Variants in TMEM132D observed in about 807,000 individuals in gnomAD.
TMEM132D encodes the protein mature OL transmembrane protein.
In TMEM132D, 21 loss-of-function variants were observed where a neutral mutation model predicts 62.3. The observed-to-expected ratio is 0.34, with a 90% CI of 0.24 to 0.49. The LOEUF (loss-of-function observed/expected upper bound fraction) is 0.49. Ranked by LOEUF, TMEM132D falls within the 20% of genes least tolerant of loss-of-function variation. The pLI is 0.99. For missense variants in TMEM132D, 1,346 were observed against 1,402.8 expected, an observed-to-expected ratio of 0.96 and a Z score of 0.65; for synonymous variants, 621 against 575.6, an observed-to-expected ratio of 1.08 and a Z score of -1.13.
chr12:129,684,314 T>C (rs372704999), intron 2 of TMEM132D, among the ~76,000 whole-genome samples: 1 of 152,116 alleles, frequency 6.6e-6, no homozygotes, highest in Non-Finnish European at 1.5e-5. Context: ...TCTCATGAGA[T>C]CTGATGGTTT....
intron 1 of TMEM132D, among the ~76,000 whole-genome samples, chr12:129,746,763 G>A (rs1441103195): frequency 6.6e-6 from 1 of 151,944 alleles, no homozygotes; most frequent in Non-Finnish European, 1.5e-5. Context: ...CACTCCTAAG[G>A]AAGGTTTTCT....
intron 3 of TMEM132D, among the ~76,000 whole-genome samples, chr12:129,473,939 CT>C (rs928212824): frequency 5.3e-5 from 8 of 152,296 alleles, no homozygotes; most frequent in African/African-American, 1.9e-4. Flanking sequence ...AAACCACATT[CT>C]TGTATAACCA....
At chr12:129,709,577 A>C (rs1315067460) in intron 1 of TMEM132D, among the ~76,000 whole-genome samples, 1 of 152,234 alleles carries the variant, frequency 6.6e-6, no homozygotes, top group Non-Finnish European at 1.5e-5. Context: ...ACATCTCAGA[A>C]TGTTGGATTC....
chr12:129,424,743 C>T (rs901143962), intron 3 of TMEM132D, among the ~76,000 whole-genome samples: 17 of 141,398 alleles, frequency 1.2e-4, no homozygotes, highest in Non-Finnish European at 2.3e-4. Context: ...GACATCTCAA[C>T]ACACATAATG....
At chr12:129,785,763 G>T (rs1871233732) in intron 1 of TMEM132D, among the ~76,000 whole-genome samples, 1 of 152,108 alleles carries the variant, frequency 6.6e-6, no homozygotes, top group South Asian at 2.1e-4. Context: ...TCGTATTTTT[G>T]TTTCAGCAGC....
intron 1 of TMEM132D, among the ~76,000 whole-genome samples, chr12:129,874,957 G>A (rs747142143): frequency 1.4e-4 from 22 of 152,204 alleles, no homozygotes; most frequent in East Asian, 5.8e-4. Context: ...GATTACAGGC[G>A]TGAGCCGCCA....
In TMEM132D at chr12:129,345,865, C is replaced by T. The variant is rs143903666; in HGVS notation, c.1116-8048G>A. ...AGTATTTTATTGAGGATTTTCGCAT[C>T]GATGTTCATCAGGGATATTGGCCTG... On this transcript the variant is annotated intron_variant, in intron 3 of 8. Transcript: ENST00000422113. Among the ~76,000 whole-genome samples the T allele has an allele frequency of 4.2e-3, 641 of 152,170 alleles. 3 individuals are homozygous for T. The highest frequency in any genetic ancestry group is 0.015 in the African/African-American group (610 of 41,516).
At chr12:129,407,547 G>A (rs541156154) in intron 3 of TMEM132D, among the ~76,000 whole-genome samples, 1 of 152,094 alleles carries the variant, frequency 6.6e-6, no homozygotes. Context: ...TAAAATACAT[G>A]AATCTGTTTC....
At chr12:129,089,842 G>T (rs1166965206) in intron 5 of TMEM132D, among the ~76,000 whole-genome samples, 1 of 152,238 alleles carries the variant, frequency 6.6e-6, no homozygotes, top group Admixed American at 6.5e-5. Flanking sequence ...GGGAAGGGGC[G>T]TAGACCAGAT....
At chr12:129,095,468 C>T (rs536408995) in intron 5 of TMEM132D, among the ~76,000 whole-genome samples, 1 of 151,252 alleles carries the variant, frequency 6.6e-6, no homozygotes, top group East Asian at 2.0e-4. Flanking sequence ...AGTTCTCCTG[C>T]CTCAGCCTCC....
intron 3 of TMEM132D, among the ~76,000 whole-genome samples, chr12:129,378,765 A>G (rs1218486827): frequency 6.6e-6 from 1 of 152,224 alleles, no homozygotes; most frequent in African/African-American, 2.4e-5. Context: ...TGTAGCCATC[A>G]GCACCATTAT....
chr12:129,605,041 T>C (rs1029788378), intron 2 of TMEM132D, among the ~76,000 whole-genome samples: 1 of 152,248 alleles, frequency 6.6e-6, no homozygotes. Context: ...TGTATAGATA[T>C]GCATAAAAGT....
At chr12:129,143,722 A>T (rs1876809574) in intron 5 of TMEM132D, among the ~76,000 whole-genome samples, 1 of 152,220 alleles carries the variant, frequency 6.6e-6, no homozygotes, top group Admixed American at 6.5e-5. Flanking sequence ...ATATTTACAT[A>T]AACTGCAGAA....
In TMEM132D at chr12:129,084,558, C is replaced by A. The variant is rs1446243989; in HGVS notation, c.1588G>T (p.Val530Phe). 1.2e-6 allele frequency: 2 copies of A among 1,613,864 alleles called. No homozygotes were observed. ...ATCTGATTGAGCTCGGTGTCGGAGA[C>A]CTCGATCTGCAGCGGAAGCCGGGGC... ...WVPRLPLQIEVSDTELNQIKG... is the reference protein window; with the variant it reads ...WVPRLPLQIEFSDTELNQIKG... The change falls in exon 6 of 9, where the codon GTC becomes TTC. Residue 530 changes from valine to phenylalanine, a missense_variant. Physicochemically the swap from Val to Phe is conservative, Grantham distance 50. Coordinates refer to ENST00000422113, the MANE Select transcript of TMEM132D (RefSeq NM_133448.3).
chr12:129,318,928 AG>A (rs967428298), intron 4 of TMEM132D, among the ~76,000 whole-genome samples: 7 of 152,150 alleles, frequency 4.6e-5, no homozygotes, highest in African/African-American at 1.7e-4. Flanking sequence ...CACAGGCCTC[AG>A]CCAGCTCCCA....
rs1388230631 is a variant in TMEM132D, at chr12:129,357,378, G to A, written c.1116-19561C>T. On this transcript the variant is annotated intron_variant, in intron 3 of 8. Transcript: ENST00000422113. Reference sequence around the variant, plus strand: ...AGCAAGCAAGAGAGAAAGGAAGGAGGGAGGGAGGGAAGGAAGGAACGAAGG... The same window carrying A: ...AGCAAGCAAGAGAGAAAGGAAGGAGAGAGGGAGGGAAGGAAGGAACGAAGG... Among the ~76,000 whole-genome samples the A allele has an allele frequency of 2.0e-5, 3 of 147,274 alleles. No individual in the cohort carries two copies. In the South Asian group the frequency reaches 6.5e-4, roughly 32 times the overall value.
chr12:129,437,578 G>A (rs1872820139), intron 3 of TMEM132D, among the ~76,000 whole-genome samples: 1 of 152,134 alleles, frequency 6.6e-6, no homozygotes, highest in South Asian at 2.1e-4. Context: ...GATGTGAAGT[G>A]ATGAGAATTC....
At chr12:129,788,309 A>G (rs891098682) in intron 1 of TMEM132D, among the ~76,000 whole-genome samples, 3 of 152,246 alleles carry the variant, frequency 2.0e-5, no homozygotes, top group Non-Finnish European at 2.9e-5. Flanking sequence ...CCTGGGATCA[A>G]TTCCAAATAT....
intron 4 of TMEM132D, among the ~76,000 whole-genome samples, chr12:129,256,619 G>T (rs577457741): frequency 1.3e-5 from 2 of 152,142 alleles, no homozygotes; most frequent in South Asian, 4.2e-4. Flanking sequence ...ATGGAGTTTC[G>T]CGATGTTGGC....
Sources: gnomAD v4.1 joint callset for allele counts (sites outside exome capture counted in the v4.1 genomes callset) on GRCh38, gnomAD v4.1.1 for gene constraint, MANE v1.5 for transcripts, NCBI Gene and HGNC (gene_info 2026-07-23, HGNC 2026-07-21) for gene names.